The following SSPN variants were observed in gnomAD, a reference collection of about 807,000 sequenced individuals.
SSPN encodes the protein K-ras oncogene-associated protein.
A neutral mutation model predicts 19.1 loss-of-function variants in SSPN; 15 were observed. The ratio of observed to expected loss-of-function variants is 0.78; its 90% CI spans 0.52 to 1.21. SSPN has a LOEUF of 1.21. SSPN is among the 50% of genes most tolerant of loss of function. SSPN has a pLI of 0.00. For missense variants in SSPN, 291 were observed against 314.0 expected (o/e 0.93, Z 0.55); for synonymous variants, 147 against 140.3 (o/e 1.05, Z -0.34).
chr12:26,192,655 G>T (rs1944796378), upstream of SSPN, among the ~76,000 whole-genome samples: 1 of 152,144 alleles, frequency 6.6e-6, no homozygotes, highest in South Asian at 2.1e-4. Context: ...CCATGCTGTT[G>T]GGAAGCTGAG....
chr12:26,123,896 G>A (rs1591839503), intron 1 of SSPN: 2 of 751,082 alleles, frequency 2.7e-6, no homozygotes, highest in Non-Finnish European at 4.7e-6. Context: ...GGTTATAAAT[G>A]ATTTCTTGCC....
chr12:26,182,587 CCCTTCCCTTCCCTTCCCTT>C (rs1565680286), intron 1 of SSPN, among the ~76,000 whole-genome samples: 41 of 28,886 alleles, frequency 1.4e-3, no homozygotes, highest in Middle Eastern at 0.015. Flanking sequence ...CCTTCCCCTT[CCCTTCCCTTCCCTTCCCTT>C]CCCTTCCCTT....
chr12:26,151,389 A>G (rs891812734), intron 1 of SSPN, among the ~76,000 whole-genome samples: 1 of 152,206 alleles, frequency 6.6e-6, no homozygotes, highest in Non-Finnish European at 1.5e-5. Context: ...CATAAAAAAA[A>G]AATCACATGC....
chr12:26,132,795 A>T (rs1944403932), intron 1 of SSPN, among the ~76,000 whole-genome samples: 1 of 151,998 alleles, frequency 6.6e-6, no homozygotes, highest in African/African-American at 2.4e-5. Flanking sequence ...TAGTGTTTAA[A>T]CTTTCTCTCT....
intron 1 of SSPN, among the ~76,000 whole-genome samples, chr12:26,216,140 T>C (rs1294455858): frequency 6.6e-6 from 1 of 152,176 alleles, no homozygotes; most frequent in African/African-American, 2.4e-5. Flanking sequence ...TAAATGACTC[T>C]CTATAAGAAA....
chr12:26,218,276 A>G lies in SSPN; in HGVS notation c.280-6017A>G, dbSNP rs1425046547. Among the ~76,000 whole-genome samples the G allele has an allele frequency of 1.3e-4, 13 of 102,290 alleles. No homozygotes were observed. The Admixed American group carries it at 1.4e-3, about 11-fold the overall frequency. The allele number at this position is 102,290 out of a possible 152,430, so 67.1% of individuals were successfully genotyped here. ...GGTGGGAATTGAACAATGAGATCAC[A>G]TGGACACAGGAAGGGGAATATCACA... On this transcript the variant is annotated intron_variant, in intron 1 of 2. Coordinates refer to ENST00000242729, the MANE Select transcript of SSPN (RefSeq NM_005086.5).
chr12:26,129,365 T>A (rs1432013221), intron 1 of SSPN, among the ~76,000 whole-genome samples: 1 of 152,160 alleles, frequency 6.6e-6, no homozygotes, highest in East Asian at 1.9e-4. Context: ...CGGGGTGGGA[T>A]CTGGACTTAC....
chr12:26,179,583 C>A (rs765166511), intron 1 of SSPN, among the ~76,000 whole-genome samples: 42 of 152,132 alleles, frequency 2.8e-4, no homozygotes, highest in Admixed American at 2.0e-4. Flanking sequence ...ACCAGGAAAC[C>A]AAAGCTCTGC....
At chr12:26,134,351 G>T (rs1944413602) in intron 1 of SSPN, among the ~76,000 whole-genome samples, 1 of 152,170 alleles carries the variant, frequency 6.6e-6, no homozygotes, top group African/African-American at 2.4e-5. Context: ...CCTTCTCTGA[G>T]TTCCTGGACC....
chr12:26,189,513 T>C (rs577432807), intron 1 of SSPN, among the ~76,000 whole-genome samples: 1 of 152,278 alleles, frequency 6.6e-6, no homozygotes, highest in African/African-American at 2.4e-5. Flanking sequence ...AAGGAACTTA[T>C]CTGATCAAAT....
At chr12:26,136,142 G>A (rs1944423728) in intron 1 of SSPN, among the ~76,000 whole-genome samples, 2 of 152,134 alleles carry the variant, frequency 1.3e-5, no homozygotes, top group African/African-American at 4.8e-5. Flanking sequence ...CACTTACATT[G>A]TATTAGGTGT....
chr12:26,187,861 A>C (rs1944763256), intron 1 of SSPN, among the ~76,000 whole-genome samples: 1 of 152,242 alleles, frequency 6.6e-6, no homozygotes, highest in African/African-American at 2.4e-5. Context: ...AGTGAGTGTA[A>C]GAGAAGAACA....
At chr12:26,144,083 A>G (rs946576458) in intron 1 of SSPN, among the ~76,000 whole-genome samples, 1 of 152,252 alleles carries the variant, frequency 6.6e-6, no homozygotes, top group African/African-American at 2.4e-5. Context: ...TAATAGAAAT[A>G]AAGTACACAA....
At chr12:26,152,188 C>T (rs1337403341) in intron 1 of SSPN, among the ~76,000 whole-genome samples, 1 of 152,086 alleles carries the variant, frequency 6.6e-6, no homozygotes, top group Non-Finnish European at 1.5e-5. Context: ...ATACTCCCAC[C>T]GTGGCTAATT....
At chr12:26,166,232 GCATGTTCTGCA>G (rs1402428947) in intron 1 of SSPN, among the ~76,000 whole-genome samples, 1 of 152,050 alleles carries the variant, frequency 6.6e-6, no homozygotes, top group African/African-American at 2.4e-5. Flanking sequence ...TAACAAACCT[GCATGTTCTGCA>G]CATGTATCCC....
intron 1 of SSPN, among the ~76,000 whole-genome samples, chr12:26,158,755 C>T (rs1476910909): frequency 6.6e-6 from 1 of 152,248 alleles, no homozygotes; most frequent in Non-Finnish European, 1.5e-5. Flanking sequence ...CTAAGAGTCT[C>T]TGGCTTGCCA....
intron 2 of SSPN, among the ~76,000 whole-genome samples, chr12:26,226,719 TCGGGGG>T (rs1366917021): frequency 6.6e-6 from 1 of 152,102 alleles, no homozygotes; most frequent in Non-Finnish European, 1.5e-5. Flanking sequence ...CGGAAACGTG[TCGGGGG>T]CATGTGCCTG....
rs1219663360 is a variant in SSPN, at chr12:26,232,536, A to G, written c.*1460A>G. The G allele has an allele frequency of 8.1e-6, 8 of 985,300 alleles. No individual in the cohort carries two copies. Among genetic ancestry groups the G allele is most frequent in the East Asian group, 1.1e-4 (1 of 8,826 alleles). 61.0% of individuals were successfully genotyped at this position (985,300 alleles called of 1,614,324 possible). ...TTCAATTCGCCTCTCCGCATTGCCT[A>G]TTGATACACTTTACTAATCATGAAA... On this transcript the variant is annotated 3_prime_UTR_variant, in exon 3 of 3. Coordinates refer to ENST00000242729, the MANE Select transcript of SSPN (RefSeq NM_005086.5).
chr12:26,217,099 C>T (rs1945061170), intron 1 of SSPN, among the ~76,000 whole-genome samples: 2 of 147,408 alleles, frequency 1.4e-5, no homozygotes, highest in African/African-American at 2.5e-5. Flanking sequence ...TAGTTTTTTC[C>T]AATTCTGTGA....
Sources: gnomAD v4.1 joint callset for allele counts (sites outside exome capture counted in the v4.1 genomes callset) on GRCh38, gnomAD v4.1.1 for gene constraint, MANE v1.5 for transcripts, NCBI Gene and HGNC (gene_info 2026-07-23, HGNC 2026-07-21) for gene names.